The following ASAP1 variants were observed in gnomAD, a reference collection of about 807,000 sequenced individuals.
ASAP1 encodes the protein arf-GAP with SH3 domain, ANK repeat and PH domain-containing protein 1.
In ASAP1, 43 loss-of-function variants were observed where a neutral mutation model predicts 145.2. The ratio of observed to expected loss-of-function variants is 0.30; its 90% CI spans 0.23 to 0.38. The LOEUF (loss-of-function observed/expected upper bound fraction) is 0.38. ASAP1 is among the 10% of genes least tolerant of loss of function. The probability of loss-of-function intolerance (pLI) is 1.00; values close to 1 mark genes in which losing one functional copy is unlikely to be tolerated. For missense variants in ASAP1, 1,018 were observed against 1,355.3 expected (o/e 0.75, Z 3.91); for synonymous variants, 546 against 515.5 (o/e 1.06, Z -0.80).
At chr8:130,210,944 A>G (rs528780463) in intron 5 of ASAP1, among the ~76,000 whole-genome samples, 5 of 152,308 alleles carry the variant, frequency 3.3e-5, no homozygotes, top group East Asian at 1.9e-4. Context: ...TCTGACCTCA[A>G]TGAAACCCTG....
At chr8:130,306,444 A>T (rs1822998004) in intron 3 of ASAP1, among the ~76,000 whole-genome samples, 1 of 152,180 alleles carries the variant, frequency 6.6e-6, no homozygotes, top group African/African-American at 2.4e-5. Context: ...ATGTTTTTTT[A>T]AAGCCACAAA....
At position 130,247,447 on chromosome 8, in the gene ASAP1, C is replaced by A. The variant is rs546403953; in HGVS notation, c.187-10453G>T. ...GGATTCCAAAGCAGGTCTTCCTGAT[C>A]TCAAGGTCTATATTCATAACCATGT... is the stretch of plus-strand genomic sequence containing the variant. On this transcript the variant is annotated intron_variant, in intron 3 of 29. Coordinates refer to ENST00000518721, the MANE Select transcript of ASAP1 (RefSeq NM_018482.4). Among the ~76,000 whole-genome samples the A allele has an allele frequency of 2.6e-5, 4 of 152,194 alleles. No individual in the cohort carries two copies. In the South Asian group the frequency reaches 8.3e-4, roughly 32 times the overall value.
chr8:130,431,944 G>T (rs945455757), intron 1 of ASAP1, among the ~76,000 whole-genome samples: 5 of 126,302 alleles, frequency 4.0e-5, no homozygotes, highest in Non-Finnish European at 8.4e-5. Flanking sequence ...GGAGGAGGAG[G>T]AAAGGAGGAA....
chr8:130,271,521 C>T (rs935679554), intron 3 of ASAP1, among the ~76,000 whole-genome samples: 2 of 152,140 alleles, frequency 1.3e-5, no homozygotes, highest in African/African-American at 2.4e-5. Context: ...CTACATGTAC[C>T]GCTCAGATGC....
intron 27 of ASAP1, among the ~76,000 whole-genome samples, chr8:130,063,635 C>T (rs1380984495): frequency 6.6e-6 from 1 of 152,164 alleles, no homozygotes; most frequent in Non-Finnish European, 1.5e-5. Context: ...TTCCTAAGAG[C>T]CCCGCGATGT....
intron 1 of ASAP1, among the ~76,000 whole-genome samples, chr8:130,435,963 T>A (rs1450793061): frequency 6.6e-6 from 1 of 152,196 alleles, no homozygotes; most frequent in Non-Finnish European, 1.5e-5. Flanking sequence ...TACTGCTCTG[T>A]GGAGACATCT....
chr8:130,074,440 A>AACACACACACACACACAC (rs57005471), intron 27 of ASAP1, among the ~76,000 whole-genome samples: 2 of 119,330 alleles, frequency 1.7e-5, no homozygotes, highest in East Asian at 3.0e-4. Flanking sequence ...CCAAATAGTA[A>AACACACACACACACACAC]ACACACACAC....
chr8:130,200,550 T>TA (rs1219013568), intron 5 of ASAP1, among the ~76,000 whole-genome samples: 2 of 152,050 alleles, frequency 1.3e-5, no homozygotes, highest in Non-Finnish European at 2.9e-5. Context: ...AACCCAATGT[T>TA]AAAAAAATTA....
At chr8:130,390,935 C>G (rs935119120) in intron 2 of ASAP1, among the ~76,000 whole-genome samples, 14 of 142,810 alleles carry the variant, frequency 9.8e-5, no homozygotes, top group Admixed American at 5.0e-4. Flanking sequence ...GGTATATATC[C>G]CCCGCCCCCC....
intron 3 of ASAP1, among the ~76,000 whole-genome samples, chr8:130,268,534 CA>C (rs1554864120): frequency 6.9e-6 from 1 of 145,570 alleles, no homozygotes; most frequent in African/African-American, 2.7e-5. Flanking sequence ...CACACACACA[CA>C]ACTGTGTAAC....
At chr8:130,073,509 G>A (rs367842829) in intron 27 of ASAP1, among the ~76,000 whole-genome samples, 2 of 152,124 alleles carry the variant, frequency 1.3e-5, no homozygotes, top group African/African-American at 2.4e-5. Flanking sequence ...CCATGACCAC[G>A]GCCTGTGGTG....
intron 3 of ASAP1, among the ~76,000 whole-genome samples, chr8:130,332,404 C>T (rs1824750938): frequency 6.6e-6 from 1 of 152,166 alleles, no homozygotes; most frequent in African/African-American, 2.4e-5. Context: ...AGTTAAATAA[C>T]CATTTTTATG....
chr8:130,220,926 G>A (rs1251100470), intron 4 of ASAP1, among the ~76,000 whole-genome samples: 5 of 152,268 alleles, frequency 3.3e-5, no homozygotes, highest in Non-Finnish European at 7.4e-5. Flanking sequence ...TCACTATGAT[G>A]AGAACAGCAT....
intron 3 of ASAP1, among the ~76,000 whole-genome samples, chr8:130,322,151 C>G (rs1271253421): frequency 6.6e-6 from 1 of 152,034 alleles, no homozygotes; most frequent in Non-Finnish European, 1.5e-5. Context: ...GTAAAACACA[C>G]AAAAGCAAAA....
At chr8:130,092,170 G>A (rs781244406) in intron 24 of ASAP1, 27 bp from the exon 25 acceptor site, 2 of 1,558,628 alleles carry the variant, frequency 1.3e-6, no homozygotes, top group Non-Finnish European at 1.7e-6. Context: ...ATGGGGGCAG[G>A]AAGATTAATC....
intron 9 of ASAP1, among the ~76,000 whole-genome samples, chr8:130,173,020 A>C (rs1317378743): frequency 2.0e-5 from 3 of 152,240 alleles, no homozygotes; most frequent in East Asian, 3.8e-4. Flanking sequence ...AGGAGATTAC[A>C]GGGTTTTTTC....
chr8:130,097,307 TCTC>T (rs1041656491), intron 24 of ASAP1, among the ~76,000 whole-genome samples: 3 of 152,028 alleles, frequency 2.0e-5, no homozygotes, highest in African/African-American at 7.2e-5. Flanking sequence ...CTGTGGCTTC[TCTC>T]CTCACCTGCC....
At chr8:130,392,738 A>C (rs34334020) in intron 2 of ASAP1, among the ~76,000 whole-genome samples, 45,963 of 151,860 alleles carry the variant, frequency 0.3, 7,307 homozygotes, top group African/African-American at 0.39. Flanking sequence ...AGGTTGCTTC[A>C]ACTCGTGGCA....
intron 27 of ASAP1, among the ~76,000 whole-genome samples, chr8:130,064,574 A>G (rs968350798): frequency 6.6e-6 from 1 of 152,166 alleles, no homozygotes; most frequent in Non-Finnish European, 1.5e-5. Context: ...CACCACAACA[A>G]TCATCAACAC....
Sources: allele counts gnomAD v4.1 joint callset (sites outside exome capture counted in the v4.1 genomes callset), GRCh38; gene constraint gnomAD v4.1.1; transcripts MANE v1.5; gene names NCBI Gene and HGNC (gene_info 2026-07-23, HGNC 2026-07-21).